Variants in EBF3 observed in about 807,000 individuals in gnomAD.
EBF3 encodes EBF transcription factor 3, also known as transcription factor COE3.
In EBF3, 18 loss-of-function variants were observed where a neutral mutation model predicts 77.1. That is an observed-to-expected ratio of 0.23 (90% CI 0.16 to 0.35). EBF3 has a LOEUF of 0.35. EBF3 is among the 10% of genes least tolerant of loss of function. The probability of loss-of-function intolerance (pLI) is 1.00; values close to 1 mark genes in which losing one functional copy is unlikely to be tolerated. For missense variants in EBF3, 558 were observed against 860.0 expected (o/e 0.65, Z 4.39); for synonymous variants, 350 against 343.5 (o/e 1.02, Z -0.21).
rs116684176 is a variant in EBF3 at position 129,940,626 on chromosome 10, G to A, written c.554+16632C>T. Among the ~76,000 whole-genome samples, 1,312 of 152,304 alleles carry A rather than the reference G, an allele frequency of 8.6e-3. 22 individuals are homozygous for A. The highest frequency in any genetic ancestry group is 0.029 in the African/African-American group (1,209 of 41,566). Reference sequence around the variant, plus strand: ...GTAGCACTTAAAACCATGAGCTGCTGTTATCTCTACTGTGGGCGGGTGAGG... The same window carrying A: ...GTAGCACTTAAAACCATGAGCTGCTATTATCTCTACTGTGGGCGGGTGAGG... On this transcript the variant is annotated intron_variant, in intron 6 of 16. Coordinates refer to ENST00000440978, the MANE Select transcript of EBF3 (RefSeq NM_001375380.1).
At chr10:129,844,956 T>A (rs1161439106) in intron 11 of EBF3, among the ~76,000 whole-genome samples, 1 of 152,190 alleles carries the variant, frequency 6.6e-6, no homozygotes, top group Non-Finnish European at 1.5e-5. Flanking sequence ...TAAGCAACGA[T>A]TAAAGCAATT....
At chr10:129,937,713 TCTCCTCAC>T (rs1271924433) in intron 6 of EBF3, among the ~76,000 whole-genome samples, 2 of 87,906 alleles carry the variant, frequency 2.3e-5, no homozygotes, top group African/African-American at 6.7e-5. Flanking sequence ...TGATACCTCA[TCTCCTCAC>T]CATGGCCCAC....
Position 129,947,259 on chromosome 10 carries a change from CAA to C in EBF3, c.554+9997_554+9998del. 6.6e-6 allele frequency among the ~76,000 whole-genome samples: 1 copy of C among 152,346 alleles called. No homozygotes were observed. Among genetic ancestry groups the C allele is most frequent in the East Asian group, 1.9e-4 (1 of 5,184 alleles). Reference sequence around the variant, plus strand: ...TTTACAAACCTTTCCTAATGGGAAACAAATGCTGTGGGTGTGAATTCATACTT... The same window carrying C: ...TTTACAAACCTTTCCTAATGGGAAACATGCTGTGGGTGTGAATTCATACTT... On this transcript the variant is annotated intron_variant, in intron 6 of 16. Transcript: ENST00000440978. This position sits in a 1 kb window ranked among gnomAD's most constrained non-coding sequence, Gnocchi z 4.5.
At chr10:129,929,668 G>A (rs1434895631) in intron 6 of EBF3, among the ~76,000 whole-genome samples, 1 of 152,184 alleles carries the variant, frequency 6.6e-6, no homozygotes, top group Non-Finnish European at 1.5e-5. Context: ...GTCAGACGTG[G>A]AGCCCCATGC....
rs533479228 is a variant in EBF3 at position 129,897,991 on chromosome 10, T to C, written c.555-20142A>G. On this transcript the variant is annotated intron_variant, in intron 6 of 16. Coordinates refer to ENST00000440978, the MANE Select transcript of EBF3 (RefSeq NM_001375380.1). This position sits in a 1 kb window ranked among gnomAD's most constrained non-coding sequence, Gnocchi z 4.6. Reference sequence around the variant, plus strand: ...ACAGAAGAGAGCCCGAGCTGACCCGTTGCTGTATTAAATTTTCATATGAAA... The same window carrying C: ...ACAGAAGAGAGCCCGAGCTGACCCGCTGCTGTATTAAATTTTCATATGAAA... Among the ~76,000 whole-genome samples the C allele has an allele frequency of 2.8e-3, 427 of 152,328 alleles. 2 individuals carry two copies. The highest frequency in any genetic ancestry group is 4.6e-3 in the Non-Finnish European group (313 of 68,036).
intron 6 of EBF3, among the ~76,000 whole-genome samples, chr10:129,910,100 C>T (rs895045821): frequency 1.3e-5 from 2 of 152,176 alleles, no homozygotes; most frequent in African/African-American, 2.4e-5. Context: ...GCCGCGCTAA[C>T]GAGCCCGCCC....
intron 10 of EBF3, among the ~76,000 whole-genome samples, chr10:129,854,751 T>C (rs1851129069): frequency 6.6e-6 from 1 of 152,270 alleles, no homozygotes; most frequent in Non-Finnish European, 1.5e-5. Context: ...GTCAATACTT[T>C]GCAGCTTTTC....
In EBF3 at chr10:129,942,265, TC is replaced by T. The variant is rs1472455596; in HGVS notation, c.554+14992del. On this transcript the variant is annotated intron_variant, in intron 6 of 16. Coordinates refer to ENST00000440978, the MANE Select transcript of EBF3 (RefSeq NM_001375380.1). ...CATTTCCCCAACAAGAAAACATCTT[TC>T]TAGGGTGGTCCAGGACCCTTCTTTA... 2.6e-5 allele frequency among the ~76,000 whole-genome samples: 4 copies of T among 152,206 alleles called. No individual in the cohort carries two copies. The East Asian group carries it at 7.7e-4, about 29-fold the overall frequency.
At chr10:129,852,626 T>G (rs1412605691) in intron 10 of EBF3, among the ~76,000 whole-genome samples, 1 of 152,212 alleles carries the variant, frequency 6.6e-6, no homozygotes, top group Non-Finnish European at 1.5e-5. Context: ...TTATTAGACC[T>G]GAATAGCAAG....
chr10:129,942,724 A>G (rs1397786130), intron 6 of EBF3, among the ~76,000 whole-genome samples: 2 of 152,170 alleles, frequency 1.3e-5, no homozygotes, highest in African/African-American at 4.8e-5. Context: ...CAGCGTGGTG[A>G]CTGCATTGGA....
chr10:129,964,180 C>G lies in EBF3; in HGVS notation c.-412G>C, dbSNP rs1013876232. 2 of 984,902 alleles carry G rather than the reference C, an allele frequency of 2.0e-6. No homozygotes were observed. Among genetic ancestry groups the G allele is most frequent in the South Asian group, 4.7e-5 (1 of 21,292 alleles). The allele number at this position is 984,902 out of a possible 1,614,324, so 61.0% of individuals were successfully genotyped here. ...ATAAACGGGGCAGTGAGTGCTGCGGCGCAGTCCCGGGCGCAGGCGGGGCGC... is the reference window on the plus strand; with the variant it reads ...ATAAACGGGGCAGTGAGTGCTGCGGGGCAGTCCCGGGCGCAGGCGGGGCGC... On this transcript the variant is annotated 5_prime_UTR_variant, in exon 1 of 17. Coordinates refer to ENST00000440978, the MANE Select transcript of EBF3 (RefSeq NM_001375380.1). The surrounding 1 kb of genome is among the most constrained non-coding windows in gnomAD (Gnocchi z 4.5).
At position 129,837,531 on chromosome 10, in the gene EBF3, T is replaced by C. The variant is rs181841356; in HGVS notation, c.*412A>G. ...TCTAAGTATGAGTACAGAAAAATGT[T>C]TGGAGGCATTTTTCATCAGCGTTTC... On this transcript the variant is annotated 3_prime_UTR_variant, in exon 17 of 17. Transcript: ENST00000440978. 76 of 195,156 alleles carry C rather than the reference T, an allele frequency of 3.9e-4. No individual in the cohort carries two copies. Among genetic ancestry groups the C allele is most frequent in the African/African-American group, 1.8e-3 (76 of 42,246 alleles). The allele number at this position is 195,156 out of a possible 1,614,324, so 12.1% of individuals were successfully genotyped here. A position where few individuals can be genotyped will look rare whatever the true frequency, so the allele number is the denominator to read the frequency against.
intron 6 of EBF3, among the ~76,000 whole-genome samples, chr10:129,910,758 C>T (rs945015244): frequency 6.6e-6 from 1 of 152,138 alleles, no homozygotes; most frequent in Non-Finnish European, 1.5e-5. Flanking sequence ...CTCTAGCCCA[C>T]ACTGAGACAG....
chr10:129,910,503 C>T (rs771061822), intron 6 of EBF3, among the ~76,000 whole-genome samples: 1 of 152,030 alleles, frequency 6.6e-6, no homozygotes, highest in African/African-American at 2.4e-5. Flanking sequence ...TGGAAGGGTC[C>T]GAAGAGCCAT....
At chr10:129,914,233 C>G (rs375268693) in intron 6 of EBF3, among the ~76,000 whole-genome samples, 11 of 152,280 alleles carry the variant, frequency 7.2e-5, no homozygotes, top group African/African-American at 2.6e-4. Context: ...GCTTTGAAGA[C>G]CGAGGCGGCT....
At chr10:129,956,430 GGA>G (rs1859040560) in intron 6 of EBF3, among the ~76,000 whole-genome samples, 1 of 152,144 alleles carries the variant, frequency 6.6e-6, no homozygotes, top group African/African-American at 2.4e-5. Context: ...ACCCATTGTT[GGA>G]AAGAAAGAAA....
intron 6 of EBF3, among the ~76,000 whole-genome samples, chr10:129,902,548 C>G (rs1854866110): frequency 6.6e-6 from 1 of 152,092 alleles, no homozygotes; most frequent in Non-Finnish European, 1.5e-5. Context: ...GCAGAAAGTC[C>G]CAGAACAGAC....
In EBF3 at chr10:129,854,619, T is replaced by C. The variant is rs1027460554; in HGVS notation, c.1040-6139A>G. On this transcript the variant is annotated intron_variant, in intron 10 of 16. Transcript: ENST00000440978. ...TGAAATCGGTTCCCTCTGCAGCCGA[T>C]TGCAGGTGCAAATTAATATTGTAAA... 2.6e-5 allele frequency among the ~76,000 whole-genome samples: 4 copies of C among 152,192 alleles called. No individual in the cohort carries two copies. The East Asian group carries it at 7.7e-4, about 29-fold the overall frequency.
intron 6 of EBF3, among the ~76,000 whole-genome samples, chr10:129,914,438 C>T (rs1210135654): frequency 1.3e-5 from 2 of 152,104 alleles, no homozygotes; most frequent in Non-Finnish European, 2.9e-5. Flanking sequence ...AAGGTGCTTT[C>T]GAAAATACCG....
Sources: gnomAD v4.1 joint callset for allele counts (sites outside exome capture counted in the v4.1 genomes callset) on GRCh38, gnomAD v4.1.1 for gene constraint, Gnocchi (gnomAD v3.1) non-coding constraint, MANE v1.5 for transcripts, NCBI Gene and HGNC (gene_info 2026-07-23, HGNC 2026-07-21) for gene names.